Variants in SCGB2A1 observed in about 807,000 individuals in gnomAD.
SCGB2A1 encodes secretoglobin family 2A member 1.
Under a neutral mutation model 9.2 loss-of-function variants are expected in SCGB2A1, and 6 were observed. The ratio of observed to expected loss-of-function variants is 0.66; its 90% CI spans 0.36 to 1.29. The LOEUF is 1.29. Among genes scored for constraint, SCGB2A1 ranks in the 50% most tolerant of loss-of-function variants. The pLI is 0.03. For missense variants in SCGB2A1, 138 were observed against 116.9 expected (o/e 1.18, Z -0.83); for synonymous variants, 37 against 41.0 (o/e 0.90, Z 0.37).
chr11:62,210,684 G>A, intron 2 of SCGB2A1, 84 bp downstream of exon 2: 1 of 1,060,306 alleles, frequency 9.4e-7, no homozygotes, highest in Non-Finnish European at 1.3e-6. Flanking sequence ...AGAATGCCAA[G>A]CAACTGGTGA....
At chr11:62,213,106 A>ATATATATATTT (rs67975205) in intron 2 of SCGB2A1, among the ~76,000 whole-genome samples, 1,221 of 116,198 alleles carry the variant, frequency 0.011, 77 homozygotes, top group African/African-American at 0.03. Context: ...ATATATATAT[A>ATATATATATTT]TTTTTTTTTT....
chr11:62,209,249 G>C (rs1397103639), intron 1 of SCGB2A1, among the ~76,000 whole-genome samples: 2 of 152,242 alleles, frequency 1.3e-5, no homozygotes, highest in Non-Finnish European at 1.5e-5. Flanking sequence ...TCTCAGAGTT[G>C]ATCTGGGTCC....
Position 62,213,011 on chromosome 11 carries a change from TGC to T in SCGB2A1, c.244-714_244-713del, listed in dbSNP as rs1565121398. 3.5e-5 allele frequency among the ~76,000 whole-genome samples: 3 copies of T among 84,820 alleles called. No individual in the cohort carries two copies. The East Asian group carries it at 3.4e-3, about 95-fold the overall frequency. 55.6% of individuals were successfully genotyped at this position (84,820 alleles called of 152,430 possible). A position where few individuals can be genotyped will look rare whatever the true frequency, so the allele number is the denominator to read the frequency against. Reference sequence around the variant, plus strand: ...ATACATGCATATATGTACACATATATGCACATATATACATATATACACACATA... The same window carrying T: ...ATACATGCATATATGTACACATATATACATATATACATATATACACACATA... On this transcript the variant is annotated intron_variant, in intron 2 of 2. Transcript: ENST00000244930.
intron 2 of SCGB2A1, chr11:62,213,362 TTAATAATTCTGTG>T: frequency 5.7e-6 from 1 of 176,482 alleles, no homozygotes. Context: ...CTGAGATTTT[TTAATAATTCTGTG>T]TTGTAAAAGT....
chr11:62,210,190 G>T (rs950601582), intron 1 of SCGB2A1, among the ~76,000 whole-genome samples: 15 of 152,124 alleles, frequency 9.9e-5, no homozygotes, highest in Non-Finnish European at 1.8e-4. Flanking sequence ...GAATACACAG[G>T]GTTGGGCTTC....
intron 1 of SCGB2A1, 30 bp downstream of exon 1, chr11:62,208,816 G>A: frequency 6.2e-7 from 1 of 1,608,634 alleles, no homozygotes; most frequent in Non-Finnish European, 8.5e-7. Context: ...GGCTGCTTCT[G>A]GGCTAGGAAT....
In SCGB2A1 at chr11:62,213,067, TATACATATATACACATATATACAC is replaced by T. The variant is rs1452368976; in HGVS notation, c.244-655_244-632del. Among the ~76,000 whole-genome samples, 37 of 55,510 alleles carry T rather than the reference TATACATATATACACATATATACAC, an allele frequency of 6.7e-4. 1 individual carries two copies. The highest frequency in any genetic ancestry group is 1.5e-3 in the African/African-American group (36 of 23,480). 36.4% of individuals were successfully genotyped at this position (55,510 alleles called of 152,430 possible). A position where few individuals can be genotyped will look rare whatever the true frequency, so the allele number is the denominator to read the frequency against. On this transcript the variant is annotated intron_variant, in intron 2 of 2. Transcript: ENST00000244930. The stretch of plus-strand genomic sequence containing the variant: ...ACATATATACACATATATACACATA[TATACATATATACACATATATACAC>T]ATATATATATATATATTTTTTTTTT...
chr11:62,213,572 TA>T, intron 2 of SCGB2A1, 153 bp from the exon 3 acceptor site: 1 of 671,116 alleles, frequency 1.5e-6, no homozygotes, highest in Non-Finnish European at 2.5e-6. Context: ...GATAACAGAA[TA>T]AATGGAGAGG....
intron 2 of SCGB2A1, among the ~76,000 whole-genome samples, chr11:62,212,447 C>T (rs1944838064): frequency 6.6e-6 from 1 of 151,354 alleles, no homozygotes; most frequent in Non-Finnish European, 1.5e-5. Context: ...CCAGCCTGGC[C>T]AACATGCTGA....
Position 62,213,851 on chromosome 11 carries a change from T to A in SCGB2A1, c.*81T>A. On this transcript the variant is annotated 3_prime_UTR_variant, in exon 3 of 3. Coordinates refer to ENST00000244930, the MANE Select transcript of SCGB2A1 (RefSeq NM_002407.3). ...TTGATTGCTAGAAACCACTTTTCTT[T>A]CTTGTGTTGTCTTTTTATGTGGAAA... The A allele has an allele frequency of 8.4e-7, 1 of 1,192,384 alleles. No homozygotes were observed. The highest frequency in any genetic ancestry group is 1.3e-5 in the South Asian group (1 of 74,948). The allele number at this position is 1,192,384 out of a possible 1,614,324, so 73.9% of individuals were successfully genotyped here.
At chr11:62,210,797 G>A (rs1944823873) in intron 2 of SCGB2A1, among the ~76,000 whole-genome samples, 197 bp downstream of exon 2, 1 of 152,074 alleles carries the variant, frequency 6.6e-6, no homozygotes, top group South Asian at 2.1e-4. Context: ...AAGGCAAAAA[G>A]GAGAAAAGAA....
Position 62,213,906 on chromosome 11 carries a change from C to A in SCGB2A1, c.*136C>A. The A allele has an allele frequency of 1.6e-6, 1 of 634,864 alleles. No individual in the cohort carries two copies. The highest frequency in any genetic ancestry group is 2.7e-6 in the Non-Finnish European group (1 of 368,116). 39.3% of individuals were successfully genotyped at this position (634,864 alleles called of 1,614,324 possible). A position where few individuals can be genotyped will look rare whatever the true frequency, so the allele number is the denominator to read the frequency against. ...TAGACAACTGTTGAAACCTCAAATTCATTTCCATTTCAATAAACTAACTGC... is the reference window on the plus strand; with the variant it reads ...TAGACAACTGTTGAAACCTCAAATTAATTTCCATTTCAATAAACTAACTGC... On this transcript the variant is annotated 3_prime_UTR_variant, in exon 3 of 3. Transcript: ENST00000244930.
chr11:62,210,135 C>G (rs79296542), intron 1 of SCGB2A1, among the ~76,000 whole-genome samples: 3,334 of 152,250 alleles, frequency 0.022, 117 homozygotes, highest in African/African-American at 0.072. Context: ...TTTGCTATGT[C>G]CCCCCAGTCA....
chr11:62,213,104 A>AT (rs1275288053), intron 2 of SCGB2A1, among the ~76,000 whole-genome samples: 4,406 of 35,332 alleles, frequency 0.12, 260 homozygotes, highest in Non-Finnish European at 0.25. Flanking sequence ...ATATATATAT[A>AT]TATTTTTTTT....
chr11:62,211,601 T>G (rs1427098623), intron 2 of SCGB2A1, among the ~76,000 whole-genome samples: 1 of 152,144 alleles, frequency 6.6e-6, no homozygotes, highest in African/African-American at 2.4e-5. Context: ...GATTTTACCA[T>G]GTTGGCCAGG....
chr11:62,209,635 ATGTGTGTGTG>A (rs60357410), intron 1 of SCGB2A1, among the ~76,000 whole-genome samples: 37,234 of 142,090 alleles, frequency 0.26, 5,920 homozygotes, highest in Middle Eastern at 0.43. Flanking sequence ...TTTCACATTC[ATGTGTGTGTG>A]TGTGTGTGTG....
intron 2 of SCGB2A1, among the ~76,000 whole-genome samples, chr11:62,212,389 C>G (rs777610321): frequency 2.6e-5 from 4 of 151,708 alleles, no homozygotes; most frequent in Non-Finnish European, 5.9e-5. Context: ...AATCCCAGCA[C>G]TTTAGGAGGC....
At chr11:62,211,862 G>A (rs1295808498) in intron 2 of SCGB2A1, among the ~76,000 whole-genome samples, 2 of 152,182 alleles carry the variant, frequency 1.3e-5, no homozygotes, top group Non-Finnish European at 2.9e-5. Flanking sequence ...AAAGTCAGTG[G>A]TTATAACAAG....
chr11:62,208,949 G>A (rs960516161), intron 1 of SCGB2A1, among the ~76,000 whole-genome samples, 163 bp downstream of exon 1: 1 of 152,170 alleles, frequency 6.6e-6, no homozygotes, highest in Non-Finnish European at 1.5e-5. Context: ...AATCAAGCAT[G>A]CAGTGTCCTC....
Sources: gnomAD v4.1 joint callset for allele counts (sites outside exome capture counted in the v4.1 genomes callset) on GRCh38, gnomAD v4.1.1 for gene constraint, MANE v1.5 for transcripts, NCBI Gene and HGNC (gene_info 2026-07-23, HGNC 2026-07-21) for gene names.